The following UBXN2B variants were observed in gnomAD, a reference collection of about 807,000 sequenced individuals.
UBXN2B encodes UBX domain-containing protein 2B.
In UBXN2B, 19 loss-of-function variants were observed where a neutral mutation model predicts 37.5. The ratio of observed to expected loss-of-function variants is 0.51; its 90% confidence interval spans 0.35 to 0.74. The LOEUF is 0.74. Among genes scored for constraint, UBXN2B ranks in the 30% least tolerant of loss-of-function variants. The pLI is 0.01. For missense variants in UBXN2B, 370 were observed against 393.2 expected (o/e 0.94, Z 0.50); for synonymous variants, 145 against 143.8 (o/e 1.01, Z -0.06).
intron 7 of UBXN2B, among the ~76,000 whole-genome samples, chr8:58,446,350 A>C (rs528171859): frequency 2.0e-5 from 3 of 152,352 alleles, no homozygotes; most frequent in East Asian, 3.9e-4. Context: ...GTTGTTACTA[A>C]AACTATATGA....
At chr8:58,445,342 A>G (rs1211550133) in intron 6 of UBXN2B, among the ~76,000 whole-genome samples, 1 of 152,218 alleles carries the variant, frequency 6.6e-6, no homozygotes, top group Non-Finnish European at 1.5e-5. Context: ...TTTGCAAAGC[A>G]GTGCTTGAAT....
intron 2 of UBXN2B, among the ~76,000 whole-genome samples, chr8:58,421,623 C>T (rs1369947679): frequency 6.6e-6 from 1 of 152,174 alleles, no homozygotes; most frequent in Non-Finnish European, 1.5e-5. Flanking sequence ...CTCACTTCCT[C>T]AGCAACCACC....
chr8:58,429,689 T>C (rs1250216080), intron 2 of UBXN2B, among the ~76,000 whole-genome samples: 13 of 152,222 alleles, frequency 8.5e-5, no homozygotes. Context: ...AAGGCAGATA[T>C]CATTTCCCCC....
chr8:58,423,079 A>AATC (rs35213875), intron 2 of UBXN2B, among the ~76,000 whole-genome samples: 20,449 of 148,956 alleles, frequency 0.14, 1,455 homozygotes, highest in African/African-American at 0.19. Flanking sequence ...GGTGAGACGA[A>AATC]ATCATCATCA....
In UBXN2B at chr8:58,425,009, C is replaced by G; in HGVS notation, c.189-5510C>G. On this transcript the variant is annotated intron_variant, in intron 2 of 7. Transcript: ENST00000399598. ...ATTCCAGCACTGCCGTGCACCACGA[C>G]TGGCCTTGCATGCATGATGCGTTCC... 3 of 784,974 alleles carry G rather than the reference C, an allele frequency of 3.8e-6. No homozygotes were observed. In the South Asian group the frequency reaches 4.0e-5, roughly 11 times the overall value. 48.6% of individuals were successfully genotyped at this position (784,974 alleles called of 1,614,324 possible). A position where few individuals can be genotyped will look rare whatever the true frequency, so the allele number is the denominator to read the frequency against.
intron 3 of UBXN2B, among the ~76,000 whole-genome samples, chr8:58,432,414 G>A (rs556957405): frequency 3.5e-5 from 4 of 113,200 alleles, no homozygotes; most frequent in Admixed American, 1.4e-4. Flanking sequence ...ACAGGGTCTC[G>A]CTCTGTTGCC....
chr8:58,431,190 G>A (rs898324634), intron 3 of UBXN2B, among the ~76,000 whole-genome samples: 1 of 151,648 alleles, frequency 6.6e-6, no homozygotes, highest in Non-Finnish European at 1.5e-5. Context: ...ATCATGTTAA[G>A]AGTGTTAAAC....
At chr8:58,441,610 G>C (rs1023354495) in intron 6 of UBXN2B, among the ~76,000 whole-genome samples, 2 of 151,938 alleles carry the variant, frequency 1.3e-5, no homozygotes, top group Non-Finnish European at 2.9e-5. Flanking sequence ...TCTAGACTTG[G>C]AATTGAAGAA....
intron 5 of UBXN2B, among the ~76,000 whole-genome samples, chr8:58,436,495 G>A (rs1020781749): frequency 1.3e-5 from 2 of 152,174 alleles, no homozygotes; most frequent in African/African-American, 2.4e-5. Flanking sequence ...CCTCGACACT[G>A]AATGACAGCA....
At chr8:58,433,299 C>T (rs1326643416) in intron 4 of UBXN2B, 56 bp downstream of exon 4, 1 of 1,413,826 alleles carries the variant, frequency 7.1e-7, no homozygotes, top group East Asian at 2.3e-5. Context: ...GTTACTAAAA[C>T]TGTTGGTTTT....
intron 2 of UBXN2B, 64 bp downstream of exon 2, chr8:58,417,017 C>A: frequency 7.5e-7 from 1 of 1,335,012 alleles, no homozygotes; most frequent in Middle Eastern, 2.3e-4. Context: ...TTACTAACTT[C>A]AAATTATTTT....
chr8:58,447,242 C>A, intron 7 of UBXN2B, 147 bp from the exon 8 acceptor site: 1 of 663,194 alleles, frequency 1.5e-6, no homozygotes, highest in Non-Finnish European at 2.4e-6. Context: ...AAGATAAATC[C>A]TTCAATTGAA....
chr8:58,438,479 A>G (rs999786215), intron 5 of UBXN2B, among the ~76,000 whole-genome samples: 2 of 152,312 alleles, frequency 1.3e-5, no homozygotes, highest in South Asian at 2.1e-4. Flanking sequence ...TATGCCCTGT[A>G]TATGGGACGT....
At chr8:58,429,850 G>A (rs1458090696) in intron 2 of UBXN2B, among the ~76,000 whole-genome samples, 1 of 152,024 alleles carries the variant, frequency 6.6e-6, no homozygotes, top group Non-Finnish European at 1.5e-5. Flanking sequence ...ATTCTTGATA[G>A]AAAAAAATCT....
intron 6 of UBXN2B, among the ~76,000 whole-genome samples, chr8:58,443,864 A>C (rs1026677511): frequency 1.3e-5 from 2 of 152,174 alleles, no homozygotes; most frequent in African/African-American, 4.8e-5. Flanking sequence ...CTGGTTTTTT[A>C]ATACCACACT....
At position 58,438,768 on chromosome 8, in the gene UBXN2B, G is replaced by C. The variant is rs1367677601; in HGVS notation, c.534-865G>C. ...AAAACTTTGGGGGACTATTGAGAAG[G>C]GATGATTGTATTTTGTGATGTGAGA... On this transcript the variant is annotated intron_variant, in intron 5 of 7. Coordinates refer to ENST00000399598, the MANE Select transcript of UBXN2B (RefSeq NM_001077619.2). Among the ~76,000 whole-genome samples the C allele has an allele frequency of 2.6e-5, 4 of 152,246 alleles. No individual in the cohort carries two copies. The East Asian group carries it at 7.7e-4, about 29-fold the overall frequency.
chr8:58,424,503 A>G (rs1413874185), intron 2 of UBXN2B: 2 of 695,666 alleles, frequency 2.9e-6, no homozygotes, highest in East Asian at 5.7e-5. Context: ...TGGTCTTCAC[A>G]TAAACTTTCT....
At position 58,424,696 on chromosome 8, in the gene UBXN2B, G is replaced by C. The variant is rs545673743; in HGVS notation, c.189-5823G>C. On this transcript the variant is annotated intron_variant, in intron 2 of 7. Coordinates refer to ENST00000399598, the MANE Select transcript of UBXN2B (RefSeq NM_001077619.2). ...GAGTTGGAGTACAAGGCGGGGGGGG[G>C]GGCTCTGATCTCCACTCGTCTGGTC... The C allele has an allele frequency of 1.8e-4, 237 of 1,328,042 alleles. No homozygotes were observed. In the Admixed American group the frequency reaches 3.1e-3, roughly 17 times the overall value. The allele number at this position is 1,328,042 out of a possible 1,614,324, so 82.3% of individuals were successfully genotyped here. A position where few individuals can be genotyped will look rare whatever the true frequency, so the allele number is the denominator to read the frequency against.
chr8:58,416,267 G>T (rs1431876633), intron 1 of UBXN2B, among the ~76,000 whole-genome samples: 1 of 151,856 alleles, frequency 6.6e-6, no homozygotes. Context: ...AAACTATCCA[G>T]CCAATATCTA....
Sources: gnomAD v4.1 joint callset for allele counts (sites outside exome capture counted in the v4.1 genomes callset) on GRCh38, gnomAD v4.1.1 for gene constraint, MANE v1.5 for transcripts, NCBI Gene and HGNC (gene_info 2026-07-23, HGNC 2026-07-21) for gene names.